Variants in STRBP observed in about 807,000 individuals in gnomAD.
The protein encoded by STRBP is spermatid perinuclear RNA-binding protein.
Under a neutral mutation model 80.1 loss-of-function variants are expected in STRBP, and 13 were observed. The ratio of observed to expected loss-of-function variants is 0.16; its 90% CI spans 0.11 to 0.26. The LOEUF (loss-of-function observed/expected upper bound fraction) is 0.26, where lower values mean the gene tolerates loss of function less well. Among genes scored for constraint, STRBP ranks in the 10% least tolerant of loss-of-function variants. The pLI, the probability that STRBP is intolerant of heterozygous loss-of-function variation, is 1.00. For missense variants in STRBP, 485 were observed against 815.2 expected (o/e 0.59, Z 4.93); for synonymous variants, 284 against 291.2 (o/e 0.98, Z 0.25).
At chr9:123,161,868 T>C (rs1415433305) in intron 6 of STRBP, among the ~76,000 whole-genome samples, 1 of 152,252 alleles carries the variant, frequency 6.6e-6, no homozygotes, top group Non-Finnish European at 1.5e-5. Context: ...AAGTCAAGTT[T>C]AGACAGCCAA....
intron 3 of STRBP, among the ~76,000 whole-genome samples, chr9:123,179,644 C>G (rs1262434638): frequency 6.6e-6 from 1 of 152,052 alleles, no homozygotes; most frequent in African/African-American, 2.4e-5. Context: ...GGTGTCGTGG[C>G]ATGCACCTAT....
At chr9:123,147,971 C>T (rs2036890302) in intron 11 of STRBP, 101 bp from the exon 12 acceptor site, 4 of 986,738 alleles carry the variant, frequency 4.1e-6, no homozygotes, top group Non-Finnish European at 1.4e-6. Context: ...TTAGGAATCA[C>T]ACCAAGGACC....
chr9:123,224,567 G>C (rs569842507), intron 2 of STRBP, among the ~76,000 whole-genome samples: 3 of 152,182 alleles, frequency 2.0e-5, no homozygotes, highest in Non-Finnish European at 4.4e-5. Context: ...ACGTGTTCTA[G>C]GCCTGTACTC....
At position 123,169,569 on chromosome 9, in the gene STRBP, G is replaced by A. The variant is rs549911611; in HGVS notation, c.535+333C>T. 2.2e-4 allele frequency among the ~76,000 whole-genome samples: 33 copies of A among 152,226 alleles called. No homozygotes were observed. In the East Asian group the frequency reaches 5.6e-3, roughly 26 times the overall value. On this transcript the variant is annotated intron_variant, in intron 6 of 18. Transcript: ENST00000348403. ...TCCGACCATTAAGCCAAAATACATA[G>A]AATAAGTTGGCTGATAGCAATAACT...
In STRBP at chr9:123,166,778, AC is replaced by A. The variant is rs1564257278; in HGVS notation, c.535+3123del. 4.2e-3 allele frequency among the ~76,000 whole-genome samples: 644 copies of A among 151,690 alleles called. 5 individuals carry two copies. Among genetic ancestry groups the A allele is most frequent in the African/African-American group, 0.014 (588 of 41,246 alleles). On this transcript the variant is annotated intron_variant, in intron 6 of 18. Transcript: ENST00000348403. ...AGCAACAACAACAACAACAACAACA[AC>A]AACAACAACAACAAAAAAACAAGCC... is the stretch of plus-strand genomic sequence containing the variant.
At chr9:123,225,153 A>T (rs2040195171) in intron 2 of STRBP, among the ~76,000 whole-genome samples, 1 of 152,178 alleles carries the variant, frequency 6.6e-6, no homozygotes, top group Admixed American at 6.5e-5. Flanking sequence ...TGGAGTGGGG[A>T]GTGTGCAGTG....
intron 1 of STRBP, among the ~76,000 whole-genome samples, chr9:123,264,930 A>T (rs1483368360): frequency 6.6e-6 from 1 of 152,238 alleles, no homozygotes; most frequent in African/African-American, 2.4e-5. Context: ...TATGTTGGAG[A>T]GAACTTTCAA....
intron 2 of STRBP, among the ~76,000 whole-genome samples, chr9:123,215,550 T>C (rs1223495836): frequency 6.6e-6 from 1 of 152,140 alleles, no homozygotes; most frequent in Non-Finnish European, 1.5e-5. Flanking sequence ...TCCCAAAAAT[T>C]TGGGAGGCCA....
At chr9:123,204,480 C>T (rs551066919) in intron 2 of STRBP, among the ~76,000 whole-genome samples, 1 of 152,232 alleles carries the variant, frequency 6.6e-6, no homozygotes, top group South Asian at 2.1e-4. Flanking sequence ...GAAATAGCAC[C>T]AGAATAGTAC....
rs188170572 is a variant in STRBP, at chr9:123,257,439, G to C, written c.-302+10997C>G. 8.6e-5 allele frequency among the ~76,000 whole-genome samples: 13 copies of C among 150,466 alleles called. No individual in the cohort carries two copies. The South Asian group carries it at 1.7e-3, about 20-fold the overall frequency. On this transcript the variant is annotated intron_variant, in intron 1 of 18. Transcript: ENST00000348403. The stretch of plus-strand genomic sequence containing the variant: ...ACAAACACACACACACACACACACA[G>C]ACACACACACCCACATCCCATACTA...
At chr9:123,128,734 G>A (rs1337503402) in intron 17 of STRBP, among the ~76,000 whole-genome samples, 1 of 152,220 alleles carries the variant, frequency 6.6e-6, no homozygotes, top group African/African-American at 2.4e-5. Flanking sequence ...AACTTTCCAA[G>A]TATCTTCAGA....
chr9:123,146,756 T>C, intron 13 of STRBP, 99 bp downstream of exon 13: 2 of 1,070,802 alleles, frequency 1.9e-6, no homozygotes, highest in Admixed American at 2.9e-5. Context: ...ATTATTGCTA[T>C]TAAAATGTTT....
chr9:123,173,838 G>T lies in STRBP; in HGVS notation c.229C>A (p.Gln77Lys), dbSNP rs2038107812. 6.3e-7 allele frequency: 1 copy of T among 1,592,856 alleles called. No individual in the cohort carries two copies. Among genetic ancestry groups the T allele is most frequent in the African/African-American group, 1.4e-5 (1 of 73,408 alleles). ...DEAGENYSKD[Q>K]GGRTLCGVMR... ...ACACCACACAATGTCCGACCACCTT[G>T]ATCCCTAAAAATAAAAGTCTGCATG... Residue 77 changes from glutamine to lysine, a missense_variant, in exon 5 of 19, where the codon CAA (glutamine) becomes AAA (lysine). Transcript: ENST00000348403.
intron 9 of STRBP, 51 bp from the exon 10 acceptor site, chr9:123,158,480 G>A (rs769539343): frequency 9.2e-6 from 14 of 1,515,602 alleles, no homozygotes; most frequent in African/African-American, 5.5e-5. Flanking sequence ...TTTAGAATTC[G>A]GTAAACTAAA....
rs2035773273 is a variant in STRBP, at chr9:123,122,786, CTATT to C, written c.*2807_*2810del. 1.0e-6 allele frequency: 1 copy of C among 990,686 alleles called. No individual in the cohort carries two copies. Among genetic ancestry groups the C allele is most frequent in the African/African-American group, 1.7e-5 (1 of 57,268 alleles). The allele number at this position is 990,686 out of a possible 1,614,324, so 61.4% of individuals were successfully genotyped here. On this transcript the variant is annotated 3_prime_UTR_variant, in exon 19 of 19. Transcript: ENST00000348403. ...CTAACTGACGCAGTCAGGAATGTAA[CTATT>C]TATGTGCTAAAAAGTGTAAAAAACT...
At chr9:123,139,387 C>T (rs2036494595) in intron 14 of STRBP, 142 bp downstream of exon 14, 3 of 711,576 alleles carry the variant, frequency 4.2e-6, no homozygotes, top group South Asian at 6.2e-5. Context: ...GGAAATAAAC[C>T]AAAATAATAA....
intron 6 of STRBP, among the ~76,000 whole-genome samples, chr9:123,162,570 G>A (rs374861037): frequency 5.9e-5 from 9 of 152,114 alleles, no homozygotes; most frequent in African/African-American, 2.2e-4. Context: ...ATGCCAATAG[G>A]AAACAAATCT....
chr9:123,129,142 A>G lies in STRBP; in HGVS notation c.1898-884T>C, dbSNP rs145189093. Among the ~76,000 whole-genome samples, 1,375 of 152,214 alleles carry G rather than the reference A, an allele frequency of 9.0e-3. 36 individuals are homozygous for G. The highest frequency in any genetic ancestry group is 0.08 in the East Asian group (412 of 5,180). On this transcript the variant is annotated intron_variant, in intron 17 of 18. Coordinates refer to ENST00000348403, the MANE Select transcript of STRBP (RefSeq NM_018387.5). The stretch of plus-strand genomic sequence containing the variant: ...GAGGCTGTGGCAGGAGGACTGCTTG[A>G]ACCCAGGAGTTAGAGACCAGCCTGG...
At chr9:123,116,515 C>T (rs994894291) in intron 2 of STRBP, among the ~76,000 whole-genome samples, 18 of 152,144 alleles carry the variant, frequency 1.2e-4, no homozygotes, top group Admixed American at 1.0e-3. Context: ...GGTCACCTTG[C>T]CCAGTAGCAC....
Sources: allele counts gnomAD v4.1 joint callset (sites outside exome capture counted in the v4.1 genomes callset), GRCh38; gene constraint gnomAD v4.1.1; transcripts MANE v1.5; gene names NCBI Gene and HGNC (gene_info 2026-07-23, HGNC 2026-07-21).